The following HDAC8 variants were observed in gnomAD, a reference collection of about 807,000 sequenced individuals.
The protein encoded by HDAC8 is histone deacetylase 8, also known as histone deacetylase-like 1.
A neutral mutation model predicts 32.2 loss-of-function variants in HDAC8; 1 was observed. The observed-to-expected ratio is 0.03, with a 90% CI of 0.01 to 0.15. The LOEUF (loss-of-function observed/expected upper bound fraction) is 0.15. Among genes scored for constraint, HDAC8 ranks in the 10% least tolerant of loss-of-function variants. HDAC8 has a pLI of 1.00. For missense variants in HDAC8, 117 were observed against 300.0 expected (o/e 0.39, Z 4.51); for synonymous variants, 108 against 113.9 (o/e 0.95, Z 0.33).
At position 72,539,214 on chromosome X, in the gene HDAC8, TTTTATTTA is replaced by T. The variant is rs201298956; in HGVS notation, c.437+28667_437+28674del. Among the ~76,000 whole-genome samples the T allele has an allele frequency of 9.1e-5, 10 of 109,988 alleles. No homozygotes were observed. The East Asian group carries it at 1.8e-3, about 20-fold the overall frequency. On this transcript the variant is annotated intron_variant, in intron 4 of 10. Transcript: ENST00000373573. ...TGGAAACTCTACACTATCTGTGCAA[TTTTATTTA>T]TTTATTTATTTATTTATGTATTTAT...
At chrX:72,369,218 C>T (rs963822208) in intron 9 of HDAC8, among the ~76,000 whole-genome samples, 1 of 109,578 alleles carries the variant, frequency 9.1e-6, no homozygotes, top group East Asian at 2.9e-4. Flanking sequence ...CTACCAGAGA[C>T]GAATGCCTAA....
chrX:72,471,992 A>G (rs905908599), intron 7 of HDAC8, among the ~76,000 whole-genome samples: 4 of 111,626 alleles, frequency 3.6e-5, no homozygotes, highest in African/African-American at 1.3e-4. Flanking sequence ...CTTACATTTA[A>G]GTCTTTGATC....
intron 4 of HDAC8, among the ~76,000 whole-genome samples, chrX:72,547,209 G>A (rs782403841): frequency 1.3e-4 from 14 of 111,298 alleles, no homozygotes; most frequent in Non-Finnish European, 2.1e-4. Context: ...TCACACTTCA[G>A]TACCTATCTA....
intron 9 of HDAC8, among the ~76,000 whole-genome samples, chrX:72,436,208 T>A (rs1218186934): frequency 1.8e-5 from 2 of 111,321 alleles, no homozygotes; most frequent in African/African-American, 6.5e-5. Context: ...ATCCTACAGA[T>A]TCAAGAAGCT....
At chrX:72,334,216 A>C (rs2043615778) in intron 10 of HDAC8, among the ~76,000 whole-genome samples, 1 of 112,031 alleles carries the variant, frequency 8.9e-6, no homozygotes, top group Middle Eastern at 4.2e-3. Flanking sequence ...GGAGACAAGA[A>C]GTTCAGACCA....
intron 9 of HDAC8, among the ~76,000 whole-genome samples, chrX:72,441,584 G>A (rs2047148556): frequency 9.0e-6 from 1 of 111,231 alleles, no homozygotes; most frequent in African/African-American, 3.3e-5. Context: ...ACAAAGATGG[G>A]GAAAAAACAA....
intron 10 of HDAC8, among the ~76,000 whole-genome samples, chrX:72,351,446 A>G (rs968466306): frequency 2.9e-4 from 33 of 112,153 alleles, no homozygotes; most frequent in African/African-American, 1.1e-3. Context: ...CTTTTGAAAG[A>G]AAAAGGGTCT....
chrX:72,343,012 G>A (rs1367472329), intron 10 of HDAC8, among the ~76,000 whole-genome samples: 24 of 111,304 alleles, frequency 2.2e-4, no homozygotes, highest in South Asian at 3.8e-4. Context: ...AAAAACCCCA[G>A]CCTCATCCTA....
intron 9 of HDAC8, among the ~76,000 whole-genome samples, chrX:72,395,285 C>T (rs1262681914): frequency 8.9e-6 from 1 of 111,858 alleles, no homozygotes; most frequent in Non-Finnish European, 1.9e-5. Flanking sequence ...GAAGTTAGGT[C>T]ACCTCAGCTC....
rs182673779 is a variant in HDAC8 at position 72,512,855 on chromosome X, C to G, written c.438-17587G>C. On this transcript the variant is annotated intron_variant, in intron 4 of 10. Transcript: ENST00000373573. ...ACAGGAAGAAAGATCCTTTCTTTTG[C>G]GTAGTATGCAAGGCCCTTCATAATT... is the stretch of plus-strand genomic sequence containing the variant. Among the ~76,000 whole-genome samples the G allele has an allele frequency of 1.8e-4, 20 of 111,468 alleles. No homozygotes were observed. In the Admixed American group the frequency reaches 1.9e-3, roughly 11 times the overall value.
intron 4 of HDAC8, among the ~76,000 whole-genome samples, chrX:72,499,003 T>C (rs2049123017): frequency 9.0e-6 from 1 of 110,722 alleles, no homozygotes; most frequent in South Asian, 3.9e-4. Flanking sequence ...GGGAGCTGGT[T>C]GTTAAAAAGA....
intron 9 of HDAC8, among the ~76,000 whole-genome samples, chrX:72,413,599 G>A (rs2046259092): frequency 9.0e-6 from 1 of 110,750 alleles, no homozygotes; most frequent in South Asian, 3.9e-4. Flanking sequence ...TAATCCCCAC[G>A]TGTAATGGGA....
At chrX:72,410,698 C>T (rs1555969953) in intron 9 of HDAC8, among the ~76,000 whole-genome samples, 1 of 111,818 alleles carries the variant, frequency 8.9e-6, no homozygotes, top group African/African-American at 3.3e-5. Context: ...TACCCTAGTC[C>T]AGGGCCACAT....
intron 4 of HDAC8, among the ~76,000 whole-genome samples, chrX:72,524,578 C>CT (rs2050079312): frequency 9.0e-6 from 1 of 111,556 alleles, no homozygotes; most frequent in Non-Finnish European, 1.9e-5. Context: ...AATCAACAGT[C>CT]TATGGAGATA....
intron 4 of HDAC8, among the ~76,000 whole-genome samples, chrX:72,518,594 T>C (rs2049882000): frequency 9.0e-6 from 1 of 111,693 alleles, no homozygotes; most frequent in African/African-American, 3.3e-5. Flanking sequence ...TTAAAGTCCA[T>C]AGTTTATAAG....
intron 4 of HDAC8, among the ~76,000 whole-genome samples, chrX:72,501,986 C>T (rs1415402146): frequency 2.7e-5 from 3 of 111,774 alleles, no homozygotes; most frequent in South Asian, 3.7e-4. Flanking sequence ...TTTCAAAAGA[C>T]GACATACATG....
At chrX:72,396,738 T>C (rs184407301) in intron 9 of HDAC8, among the ~76,000 whole-genome samples, 190 of 110,573 alleles carry the variant, frequency 1.7e-3, no homozygotes, top group African/African-American at 5.9e-3. Context: ...TGGTGGTGTG[T>C]GCCTTTAATC....
intron 4 of HDAC8, among the ~76,000 whole-genome samples, chrX:72,550,582 G>A (rs782455190): frequency 1.8e-5 from 2 of 109,430 alleles, no homozygotes; most frequent in Non-Finnish European, 3.8e-5. Flanking sequence ...CAAGTTTCAC[G>A]AAACCCACCT....
At chrX:72,479,441 T>G (rs1403703733) in intron 7 of HDAC8, among the ~76,000 whole-genome samples, 1 of 111,970 alleles carries the variant, frequency 8.9e-6, no homozygotes, top group East Asian at 2.8e-4. Flanking sequence ...GATTTCCATT[T>G]AGGAGCAAGG....
Sources: gnomAD v4.1 joint callset for allele counts (sites outside exome capture counted in the v4.1 genomes callset) on GRCh38, gnomAD v4.1.1 for gene constraint, MANE v1.5 for transcripts, NCBI Gene and HGNC (gene_info 2026-07-23, HGNC 2026-07-21) for gene names.